The following ASIC2 variants were observed in gnomAD, a reference collection of about 807,000 sequenced individuals.
ASIC2 encodes the protein acid sensing ion channel subunit 2.
In ASIC2, 25 loss-of-function variants were observed where a neutral mutation model predicts 57.3. That is an observed-to-expected ratio of 0.44 (90% CI 0.32 to 0.61). The LOEUF (loss-of-function observed/expected upper bound fraction) is 0.61, where lower values mean the gene tolerates loss of function less well. ASIC2 is among the 20% of genes least tolerant of loss of function. The pLI is 0.06. For synonymous variants in ASIC2, 319 were observed against 307.5 expected, an observed-to-expected ratio of 1.04 and a Z score of -0.39; for missense variants, 641 against 738.1, an observed-to-expected ratio of 0.87 and a Z score of 1.52.
At chr17:34,085,823 T>C (rs1054167389) in intron 1 of ASIC2, among the ~76,000 whole-genome samples, 3,854 of 151,908 alleles carry the variant, frequency 0.025, 151 homozygotes, top group African/African-American at 0.077. Context: ...AGTTTATTTG[T>C]GTAGAGGTGT....
At chr17:33,363,549 C>T (rs1004759856) in intron 1 of ASIC2, among the ~76,000 whole-genome samples, 1 of 152,232 alleles carries the variant, frequency 6.6e-6, no homozygotes, top group Non-Finnish European at 1.5e-5. Context: ...GCTGGACACA[C>T]CTGGGTCAGA....
chr17:33,130,746 A>G (rs374386048), intron 1 of ASIC2, among the ~76,000 whole-genome samples: 10 of 152,360 alleles, frequency 6.6e-5, no homozygotes, highest in African/African-American at 2.2e-4. Context: ...AGAGCCATGA[A>G]CTGGAGCCCG....
chr17:34,038,919 G>A, intron 1 of ASIC2: 1 of 1,612,720 alleles, frequency 6.2e-7, no homozygotes, highest in Non-Finnish European at 8.5e-7. Context: ...ATAAGATTCT[G>A]AAAAGCATAA....
intron 1 of ASIC2, chr17:33,581,276 G>A (rs1440438026): frequency 6.6e-6 from 1 of 152,158 alleles, no homozygotes; most frequent in East Asian, 1.9e-4. Flanking sequence ...GCCTCTGGAA[G>A]TTGAAAACGA....
chr17:33,051,498 T>G (rs187990762), intron 3 of ASIC2, among the ~76,000 whole-genome samples: 22 of 152,264 alleles, frequency 1.4e-4, no homozygotes, highest in East Asian at 3.9e-4. Flanking sequence ...TTACAAAATA[T>G]TAATAAGCTG....
intron 1 of ASIC2, among the ~76,000 whole-genome samples, chr17:34,112,919 C>T (rs752240105): frequency 3.3e-5 from 5 of 152,206 alleles, no homozygotes; most frequent in Admixed American, 6.5e-5. Flanking sequence ...GCTTGGGTTG[C>T]GTCAATCATG....
chr17:33,022,468 T>C (rs567643776), intron 6 of ASIC2, among the ~76,000 whole-genome samples: 23 of 152,166 alleles, frequency 1.5e-4, no homozygotes, highest in Non-Finnish European at 2.8e-4. Context: ...GTCACTCACC[T>C]CTGAAAGCTC....
At chr17:34,060,334 A>T (rs1043112128) in intron 1 of ASIC2, among the ~76,000 whole-genome samples, 1 of 152,228 alleles carries the variant, frequency 6.6e-6, no homozygotes, top group South Asian at 2.1e-4. Flanking sequence ...GAGAAAAAAG[A>T]ATCTGAACAA....
At chr17:33,815,679 A>G (rs1230187316) in intron 1 of ASIC2, among the ~76,000 whole-genome samples, 1 of 152,186 alleles carries the variant, frequency 6.6e-6, no homozygotes, top group Non-Finnish European at 1.5e-5. Flanking sequence ...ACTGGATACC[A>G]GCTTATTACC....
intron 1 of ASIC2, among the ~76,000 whole-genome samples, chr17:33,749,810 C>A (rs913316833): frequency 6.6e-6 from 1 of 152,116 alleles, no homozygotes; most frequent in Non-Finnish European, 1.5e-5. Flanking sequence ...CCGTCCAAAG[C>A]CAGTGTGGAT....
intron 1 of ASIC2, among the ~76,000 whole-genome samples, chr17:33,486,542 G>T (rs567611195): frequency 5.3e-5 from 8 of 152,328 alleles, no homozygotes; most frequent in Non-Finnish European, 8.8e-5. Context: ...ATGGTCAAGA[G>T]ACTTCATCAG....
At chr17:33,970,688 G>A (rs1905203517) in intron 1 of ASIC2, among the ~76,000 whole-genome samples, 1 of 152,232 alleles carries the variant, frequency 6.6e-6, no homozygotes, top group Admixed American at 6.5e-5. Context: ...TTTGTGAAGA[G>A]TTGTAAGCAC....
At chr17:34,057,666 G>T (rs1908818793) in intron 1 of ASIC2, among the ~76,000 whole-genome samples, 1 of 152,120 alleles carries the variant, frequency 6.6e-6, no homozygotes, top group Non-Finnish European at 1.5e-5. Flanking sequence ...AAGAGGGCGA[G>T]GCACAGAGGC....
intron 1 of ASIC2, among the ~76,000 whole-genome samples, chr17:33,718,148 C>G (rs1189304211): frequency 1.3e-5 from 2 of 152,066 alleles, no homozygotes; most frequent in African/African-American, 2.4e-5. Flanking sequence ...AACCTACACA[C>G]ATGCTCCTGT....
At chr17:33,959,539 A>T (rs1362740411) in intron 1 of ASIC2, among the ~76,000 whole-genome samples, 1 of 152,222 alleles carries the variant, frequency 6.6e-6, no homozygotes, top group African/African-American at 2.4e-5. Context: ...CTGTTGCCAA[A>T]GGCCTGAGAG....
chr17:33,410,274 G>A (rs1354493), intron 1 of ASIC2, among the ~76,000 whole-genome samples: 145,257 of 152,198 alleles, frequency 0.95, 69,379 homozygotes, highest in East Asian at 0.99. Flanking sequence ...ATGCTGCTCT[G>A]AATAAAAAAT....
intron 1 of ASIC2, among the ~76,000 whole-genome samples, chr17:33,806,034 C>A (rs941493722): frequency 3.3e-5 from 5 of 152,196 alleles, no homozygotes; most frequent in African/African-American, 1.2e-4. Flanking sequence ...AATGCACAGC[C>A]CTTCTCACTC....
At chr17:33,337,998 G>A (rs1037271543) in intron 1 of ASIC2, among the ~76,000 whole-genome samples, 5 of 151,852 alleles carry the variant, frequency 3.3e-5, no homozygotes, top group African/African-American at 7.3e-5. Flanking sequence ...TTCTGGAAGG[G>A]CAAAGAAGGT....
chr17:33,519,715 C>T (rs531183756), intron 1 of ASIC2, among the ~76,000 whole-genome samples: 1 of 152,244 alleles, frequency 6.6e-6, no homozygotes, highest in East Asian at 1.9e-4. Context: ...GAGGAGGCCT[C>T]CTTAAGGAAG....
Sources: gnomAD v4.1 joint callset for allele counts (sites outside exome capture counted in the v4.1 genomes callset) on GRCh38, gnomAD v4.1.1 for gene constraint, MANE v1.5 for transcripts, NCBI Gene and HGNC (gene_info 2026-07-23, HGNC 2026-07-21) for gene names.